The following MYOM1 variants were observed in gnomAD, a reference collection of about 807,000 sequenced individuals.
The protein encoded by MYOM1 is myomesin-1.
A neutral mutation model predicts 205.3 loss-of-function variants in MYOM1; 164 were observed. That is an observed-to-expected ratio of 0.80 (90% CI 0.70 to 0.91). The LOEUF (loss-of-function observed/expected upper bound fraction) is 0.91. Among genes scored for constraint, MYOM1 ranks in the 40% least tolerant of loss-of-function variants. MYOM1 has a pLI of 0.00. For synonymous variants in MYOM1, 772 were observed against 789.4 expected (o/e 0.98, Z 0.37); for missense variants, 2,011 against 2,127.3 (o/e 0.95, Z 1.08).
At chr18:3,217,771 C>T (rs942006924) in intron 1 of MYOM1, among the ~76,000 whole-genome samples, 3 of 151,914 alleles carry the variant, frequency 2.0e-5, no homozygotes, top group African/African-American at 7.3e-5. Context: ...TTTCCTGAGC[C>T]CAGGAGTTTG....
chr18:3,079,092 C>T (rs2079054160), intron 34 of MYOM1, 87 bp downstream of exon 34: 8 of 1,415,364 alleles, frequency 5.7e-6, no homozygotes, highest in South Asian at 1.2e-5. Context: ...GGATTACAGG[C>T]ATAAGCCACC....
chr18:3,242,073 C>T, the MYOM1 span, among the ~76,000 whole-genome samples: 1 of 152,102 alleles, frequency 6.6e-6, no homozygotes, highest in Non-Finnish European at 1.5e-5. Context: ...AAGGGACTTG[C>T]CTTGACTCAG....
intron 33 of MYOM1, among the ~76,000 whole-genome samples, chr18:3,079,907 T>A (rs903884701): frequency 7.9e-5 from 12 of 152,312 alleles, no homozygotes; most frequent in Non-Finnish European, 7.4e-5. Context: ...GAATGAGGCA[T>A]GTTCTCTGTC....
intron 34 of MYOM1, 92 bp downstream of exon 34, chr18:3,079,087 A>T: frequency 7.4e-7 from 1 of 1,347,230 alleles, no homozygotes; most frequent in Non-Finnish European, 1.0e-6. Context: ...TGTTGGGATT[A>T]CAGGCATAAG....
At chr18:3,187,855 T>C (rs2080841908) in intron 4 of MYOM1, among the ~76,000 whole-genome samples, 1 of 146,094 alleles carries the variant, frequency 6.8e-6, no homozygotes, top group South Asian at 2.1e-4. Context: ...TGATTTCTTT[T>C]TCTTTTTTTT....
chr18:3,141,225 T>G (rs1218270596), intron 14 of MYOM1, among the ~76,000 whole-genome samples: 1 of 152,208 alleles, frequency 6.6e-6, no homozygotes, highest in African/African-American at 2.4e-5. Flanking sequence ...CTTCTCCATT[T>G]GTTGGGCATA....
upstream of MYOM1, among the ~76,000 whole-genome samples, chr18:3,222,237 T>G (rs1286609130): frequency 6.6e-6 from 1 of 152,154 alleles, no homozygotes; most frequent in Non-Finnish European, 1.5e-5. Flanking sequence ...TGAGCCCAAG[T>G]TTTTCTTCTT....
At chr18:3,191,857 G>A (rs535000028) in intron 3 of MYOM1, among the ~76,000 whole-genome samples, 44 of 151,228 alleles carry the variant, frequency 2.9e-4, no homozygotes, top group Non-Finnish European at 4.7e-4. Context: ...CACCACGCCC[G>A]GCTAATTTTT....
At chr18:3,166,896 C>T (rs1467902707) in intron 9 of MYOM1, among the ~76,000 whole-genome samples, 2 of 152,034 alleles carry the variant, frequency 1.3e-5, no homozygotes, top group Admixed American at 6.6e-5. Flanking sequence ...AAAACATAAT[C>T]GTCTCTATAA....
chr18:3,123,779 A>G (rs1460415424), intron 19 of MYOM1, among the ~76,000 whole-genome samples: 3 of 151,182 alleles, frequency 2.0e-5, no homozygotes, highest in Non-Finnish European at 4.4e-5. Context: ...GGAGAAGCTG[A>G]TCTATCAGTC....
intron 27 of MYOM1, 34 bp from the exon 28 acceptor site, chr18:3,089,630 A>G: frequency 6.4e-7 from 1 of 1,570,288 alleles, no homozygotes; most frequent in Middle Eastern, 1.7e-4. Context: ...TGTGAAATTG[A>G]GTTGGGTGGT....
chr18:3,132,118 G>GTGTATATATATA (rs369243798), intron 16 of MYOM1, among the ~76,000 whole-genome samples: 8 of 143,452 alleles, frequency 5.6e-5, no homozygotes, highest in Middle Eastern at 3.6e-3. Context: ...ATATGTGTGT[G>GTGTATATATATA]TATATATATA....
At chr18:3,130,928 T>G (rs1308816096) in intron 17 of MYOM1, among the ~76,000 whole-genome samples, 1 of 152,228 alleles carries the variant, frequency 6.6e-6, no homozygotes, top group Non-Finnish European at 1.5e-5. Context: ...GTGCCTTGCA[T>G]GAATTTTAGA....
chr18:3,105,102 GT>G (rs1185900570), intron 22 of MYOM1, among the ~76,000 whole-genome samples: 2 of 152,018 alleles, frequency 1.3e-5, no homozygotes, highest in African/African-American at 2.4e-5. Context: ...TACTTGGTTG[GT>G]TTCTCTCAGT....
intron 11 of MYOM1, among the ~76,000 whole-genome samples, chr18:3,154,677 T>TA (rs2080268341): frequency 2.0e-5 from 3 of 151,050 alleles, no homozygotes; most frequent in East Asian, 2.0e-4. Context: ...TATACCCATT[T>TA]TATATATATA....
At chr18:3,134,513 T>TTAC in intron 16 of MYOM1, 137 bp downstream of exon 16, 1 of 934,684 alleles carries the variant, frequency 1.1e-6, no homozygotes, top group Admixed American at 3.0e-5. Context: ...AGTGCTAGGA[T>TTAC]TACAGGTGTA....
chr18:3,071,601 C>T (rs1195015054), intron 37 of MYOM1, among the ~76,000 whole-genome samples: 2 of 152,140 alleles, frequency 1.3e-5, no homozygotes, highest in African/African-American at 2.4e-5. Flanking sequence ...TCAGGTGATC[C>T]GCCCGCCTCA....
chr18:3,142,109 C>T, intron 13 of MYOM1, 46 bp from the exon 14 acceptor site: 1 of 1,596,618 alleles, frequency 6.3e-7, no homozygotes, highest in Non-Finnish European at 8.5e-7. Context: ...TCTGGGTAGC[C>T]CAGGATACTC....
intron 13 of MYOM1, among the ~76,000 whole-genome samples, chr18:3,148,613 C>A (rs984813469): frequency 6.6e-5 from 10 of 151,824 alleles, no homozygotes; most frequent in African/African-American, 2.2e-4. Flanking sequence ...TTTGGGAGGC[C>A]GAGACGGGCG....
Sources: allele counts gnomAD v4.1 joint callset (sites outside exome capture counted in the v4.1 genomes callset), GRCh38; gene constraint gnomAD v4.1.1; transcripts MANE v1.5; gene names NCBI Gene and HGNC (gene_info 2026-07-23, HGNC 2026-07-21).